Variants in LUZP1 observed in about 807,000 individuals in gnomAD.
LUZP1 encodes the protein filamin mechanobinding actin cross-linking protein.
In LUZP1, 25 loss-of-function variants were observed where a neutral mutation model predicts 71.3. That is an observed-to-expected ratio of 0.35 (90% CI 0.26 to 0.49). The LOEUF is 0.49. LUZP1 is among the 20% of genes least tolerant of loss of function. The pLI is 0.99. For missense variants in LUZP1, 1,142 were observed against 1,300.8 expected (o/e 0.88, Z 1.88); for synonymous variants, 481 against 506.4 (o/e 0.95, Z 0.67).
At chr1:23,121,526 T>TTCA (rs2124667616) in intron 2 of LUZP1, among the ~76,000 whole-genome samples, 1 of 152,296 alleles carries the variant, frequency 6.6e-6, no homozygotes, top group East Asian at 1.9e-4. Context: ...AAGACTAGCC[T>TTCA]GGGCAACATA....
chr1:23,085,040 A>G (rs1181449242), exon 5 of LUZP1: 1 of 152,652 alleles, frequency 6.6e-6, no homozygotes, highest in African/African-American at 2.4e-5. Context: ...CAGAGGATAC[A>G]TGCAGACAGG....
intron 3 of LUZP1, among the ~76,000 whole-genome samples, chr1:23,104,182 T>C (rs1275254412): frequency 6.6e-6 from 1 of 151,786 alleles, no homozygotes; most frequent in African/African-American, 2.4e-5. Context: ...TTTTTTCTTT[T>C]TCTTTTTTTT....
chr1:23,120,115 G>T (rs1022523672), intron 2 of LUZP1, among the ~76,000 whole-genome samples: 1 of 151,922 alleles, frequency 6.6e-6, no homozygotes, highest in Non-Finnish European at 1.5e-5. Flanking sequence ...GCTAAGTTTT[G>T]TAAGTTTTGT....
At chr1:23,147,483 A>C (rs1405050820) in intron 2 of LUZP1, among the ~76,000 whole-genome samples, 1 of 151,666 alleles carries the variant, frequency 6.6e-6, no homozygotes, top group Non-Finnish European at 1.5e-5. Context: ...TGCTTTAAGA[A>C]AGTTGGCCAA....
chr1:23,151,370 G>T (rs1644382360), intron 2 of LUZP1, among the ~76,000 whole-genome samples: 1 of 152,102 alleles, frequency 6.6e-6, no homozygotes, highest in Non-Finnish European at 1.5e-5. Flanking sequence ...AGCCCCCTTT[G>T]CATGCTCAGA....
chr1:23,136,797 G>T (rs1557670250), intron 2 of LUZP1, among the ~76,000 whole-genome samples: 2 of 152,100 alleles, frequency 1.3e-5, no homozygotes, highest in Admixed American at 1.3e-4. Context: ...GGTGCCTGTA[G>T]TCCCAGCTAC....
intron 2 of LUZP1, among the ~76,000 whole-genome samples, chr1:23,136,632 G>T (rs912590792): frequency 1.3e-5 from 2 of 152,128 alleles, no homozygotes; most frequent in Non-Finnish European, 2.9e-5. Flanking sequence ...AGTTCCGACG[G>T]GCACGGTGGC....
intron 2 of LUZP1, among the ~76,000 whole-genome samples, chr1:23,121,412 C>T (rs748892408): frequency 6.6e-6 from 1 of 152,102 alleles, no homozygotes; most frequent in Non-Finnish European, 1.5e-5. Flanking sequence ...AAAGTCTTAT[C>T]CAAATTTAAA....
intron 2 of LUZP1, among the ~76,000 whole-genome samples, chr1:23,137,566 G>A (rs1438680264): frequency 2.6e-5 from 4 of 152,056 alleles, no homozygotes; most frequent in African/African-American, 7.2e-5. Flanking sequence ...GCTTGAACTC[G>A]GAAGGCAGAG....
chr1:23,086,258 A>G (rs1643763326), exon 5 of LUZP1: 1 of 152,676 alleles, frequency 6.5e-6, no homozygotes, highest in Non-Finnish European at 1.5e-5. Context: ...TTTACTTGCT[A>G]TTACAATGTT....
At chr1:23,165,135 C>G (rs1644499863) in intron 2 of LUZP1, among the ~76,000 whole-genome samples, 1 of 152,130 alleles carries the variant, frequency 6.6e-6, no homozygotes, top group African/African-American at 2.4e-5. Context: ...GGCACATTAA[C>G]ACTCTAATAT....
chr1:23,090,729 G>A (rs551866136), intron 4 of LUZP1: 469 of 640,430 alleles, frequency 7.3e-4, no homozygotes, highest in Non-Finnish European at 1.1e-3. Flanking sequence ...AGCCTGTGAA[G>A]ATCTGCTAAC....
At chr1:23,083,873 C>A (rs984684112), downstream of LUZP1, 3 of 152,112 alleles carry the variant, frequency 2.0e-5, no homozygotes, top group African/African-American at 2.4e-5. Flanking sequence ...GTAGGGGGGC[C>A]GGTCCTGTAG....
At chr1:23,128,123 C>A (rs1159808029) in intron 2 of LUZP1, among the ~76,000 whole-genome samples, 1 of 151,820 alleles carries the variant, frequency 6.6e-6, no homozygotes, top group Non-Finnish European at 1.5e-5. Context: ...GAGCGAGACT[C>A]TGTCCCAAAA....
intron 2 of LUZP1, among the ~76,000 whole-genome samples, chr1:23,112,282 T>A (rs1347523859): frequency 6.6e-6 from 1 of 152,198 alleles, no homozygotes; most frequent in Non-Finnish European, 1.5e-5. Context: ...CCATGACAGA[T>A]CCATCCTCAT....
intron 2 of LUZP1, among the ~76,000 whole-genome samples, chr1:23,152,037 T>C (rs922064840): frequency 1.3e-5 from 2 of 149,604 alleles, no homozygotes; most frequent in Admixed American, 1.3e-4. Flanking sequence ...TGGTAGATAA[T>C]ATACTCCACA....
At chr1:23,128,627 T>C (rs1324223493) in intron 2 of LUZP1, among the ~76,000 whole-genome samples, 1 of 152,256 alleles carries the variant, frequency 6.6e-6, no homozygotes, top group Non-Finnish European at 1.5e-5. Flanking sequence ...AAAGAAAGGA[T>C]GTGGCTTACC....
exon 4 of LUZP1, chr1:23,092,991 G>T: frequency 6.2e-7 from 1 of 1,614,088 alleles, no homozygotes; most frequent in Non-Finnish European, 8.5e-7. Flanking sequence ...GGTGAAACTG[G>T]GAGAAGAAAC....
chr1:23,169,604 A>G (rs1215002626), intron 1 of LUZP1, among the ~76,000 whole-genome samples: 3 of 152,166 alleles, frequency 2.0e-5, no homozygotes, highest in Non-Finnish European at 4.4e-5. Context: ...TCTTCTTTAA[A>G]ATGGGAAGGG....
Sources: gnomAD v4.1 joint callset for allele counts (sites outside exome capture counted in the v4.1 genomes callset) on GRCh38, gnomAD v4.1.1 for gene constraint, MANE v1.5 for transcripts, NCBI Gene and HGNC (gene_info 2026-07-23, HGNC 2026-07-21) for gene names.